ODF2L: variants seen among roughly 807,000 people sequenced by gnomAD.
ODF2L encodes outer dense fiber of sperm tails 2 like.
Under a neutral mutation model 86.3 loss-of-function variants are expected in ODF2L, and 76 were observed. The observed-to-expected ratio is 0.88, with a 90% CI of 0.73 to 1.07. The LOEUF is 1.07. Among genes scored for constraint, ODF2L ranks in the 50% least tolerant of loss-of-function variants. The probability of loss-of-function intolerance (pLI) is 0.00; values close to 1 mark genes in which losing one functional copy is unlikely to be tolerated. For synonymous variants in ODF2L, 241 were observed against 231.3 expected, an observed-to-expected ratio of 1.04 and a Z score of -0.38; for missense variants, 748 against 717.4, an observed-to-expected ratio of 1.04 and a Z score of -0.49.
chr1:86,357,878 G>C (rs1570358568), intron 13 of ODF2L: 1 of 985,166 alleles, frequency 1.0e-6, no homozygotes, highest in Non-Finnish European at 1.2e-6. Flanking sequence ...TATTTACAGT[G>C]CTGCCTAGCA....
chr1:86,390,767 T>A (rs1661269186), intron 1 of ODF2L, among the ~76,000 whole-genome samples: 1 of 152,132 alleles, frequency 6.6e-6, no homozygotes, highest in Admixed American at 6.5e-5. Context: ...CTCTGAGAAC[T>A]GAAACAAAAC....
intron 14 of ODF2L, chr1:86,355,318 GAAC>G: frequency 6.9e-7 from 1 of 1,456,366 alleles, no homozygotes; most frequent in East Asian, 2.5e-5. Context: ...GAAGCAAAGT[GAAC>G]AAATCAACCA....
At chr1:86,374,246 T>C (rs1043323127) in intron 8 of ODF2L, among the ~76,000 whole-genome samples, 1 of 152,326 alleles carries the variant, frequency 6.6e-6, no homozygotes, top group African/African-American at 2.4e-5. Context: ...ATTGTTTTCA[T>C]ATTTTGTATA....
Position 86,354,758 on chromosome 1 carries a change from GT to G in ODF2L, c.1604+15del, listed in dbSNP as rs1253800471. On this transcript the variant is annotated intron_variant, in intron 15 of 17. Coordinates refer to ENST00000317336, the Ensembl canonical transcript of ODF2L. ...GAGAAATATGCAGCAGCAATGTTAAGTAATTTAATACTTACTGTTGAAGGTT... is the reference window on the plus strand; with the variant it reads ...GAGAAATATGCAGCAGCAATGTTAAGAATTTAATACTTACTGTTGAAGGTT... 2 of 1,555,284 alleles carry G rather than the reference GT, an allele frequency of 1.3e-6. No individual in the cohort carries two copies. The highest frequency in any genetic ancestry group is 1.8e-6 in the Non-Finnish European group (2 of 1,129,034).
At chr1:86,348,022 A>C (rs892109782), downstream of ODF2L, 25 of 152,140 alleles carry the variant, frequency 1.6e-4, no homozygotes, top group African/African-American at 6.0e-4. Context: ...TTAATCTTTT[A>C]TTTAACTAAG....
At chr1:86,385,192 G>T (rs1277436349) in intron 3 of ODF2L, among the ~76,000 whole-genome samples, 2 of 149,042 alleles carry the variant, frequency 1.3e-5, no homozygotes, top group Admixed American at 1.3e-4. Context: ...CTTAAGAAAA[G>T]CTGATTTTCT....
intron 16 of ODF2L, among the ~76,000 whole-genome samples, chr1:86,353,581 G>GT (rs1479099196): frequency 6.6e-6 from 1 of 152,128 alleles, no homozygotes; most frequent in Non-Finnish European, 1.5e-5. Context: ...AAGCCTATTT[G>GT]TAAGAATGCT....
chr1:86,368,275 A>C (rs1045122703), intron 11 of ODF2L, among the ~76,000 whole-genome samples: 5 of 152,132 alleles, frequency 3.3e-5, no homozygotes, highest in African/African-American at 1.2e-4. Flanking sequence ...TATTTTTTTG[A>C]AAGTATAAAG....
intron 14 of ODF2L, chr1:86,356,032 GA>G: frequency 4.3e-6 from 1 of 230,968 alleles, no homozygotes; most frequent in Non-Finnish European, 8.8e-6. Context: ...AGTAAAACAG[GA>G]AAAAGAAACA....
exon 15 of ODF2L, chr1:86,354,826 A>G (rs1249646941): frequency 1.2e-6 from 2 of 1,607,136 alleles, no homozygotes; most frequent in African/African-American, 1.3e-5. Context: ...TCTTCCAGAG[A>G]AAGCTTTGTC....
intron 5 of ODF2L, 27 bp from the exon 6 acceptor site, chr1:86,383,029 G>C (rs767485223): frequency 1.5e-6 from 2 of 1,362,602 alleles, no homozygotes; most frequent in Non-Finnish European, 2.1e-6. Context: ...ATAAGAATTA[G>C]GAATTTCACA....
chr1:86,355,606 T>C (rs1179455194), intron 14 of ODF2L, among the ~76,000 whole-genome samples: 2 of 152,144 alleles, frequency 1.3e-5, no homozygotes, highest in Non-Finnish European at 1.5e-5. Flanking sequence ...TGGGGGTTTG[T>C]TGTACAGATT....
At chr1:86,365,213 G>C (rs1659317442) in intron 11 of ODF2L, among the ~76,000 whole-genome samples, 1 of 152,118 alleles carries the variant, frequency 6.6e-6, no homozygotes, top group Non-Finnish European at 1.5e-5. Flanking sequence ...CTTTACGATA[G>C]TATTGACATG....
In ODF2L at chr1:86,352,076, T is replaced by G. The variant is rs1658175762; in HGVS notation, c.*115A>C. Reference sequence around the variant, plus strand: ...GATCGACGTTTTGTTCTGACTAAGTTGTCATGAAACTTTTGATGGCAATAA... The same window carrying G: ...GATCGACGTTTTGTTCTGACTAAGTGGTCATGAAACTTTTGATGGCAATAA... On this transcript the variant is annotated 3_prime_UTR_variant, in exon 18 of 18. Transcript: ENST00000317336. 24 of 1,377,564 alleles carry G rather than the reference T, an allele frequency of 1.7e-5. No individual in the cohort carries two copies. In the South Asian group the frequency reaches 4.7e-4, roughly 27 times the overall value. The allele number at this position is 1,377,564 out of a possible 1,614,324, so 85.3% of individuals were successfully genotyped here. A position where few individuals can be genotyped will look rare whatever the true frequency, so the allele number is the denominator to read the frequency against.
intron 11 of ODF2L, among the ~76,000 whole-genome samples, chr1:86,365,145 G>T (rs1659312359): frequency 1.3e-5 from 2 of 151,972 alleles, no homozygotes; most frequent in African/African-American, 2.4e-5. Flanking sequence ...TATGATCCTG[G>T]CCAAGTTATT....
chr1:86,358,300 C>T (rs1186412329), intron 13 of ODF2L: 1 of 152,432 alleles, frequency 6.6e-6, no homozygotes, highest in African/African-American at 2.4e-5. Flanking sequence ...AACATCATAA[C>T]TCGCCAACAC....
At chr1:86,371,187 C>G (rs768752421) in intron 9 of ODF2L, 34 bp from the exon 10 acceptor site, 34 of 1,234,258 alleles carry the variant, frequency 2.8e-5, no homozygotes, top group Non-Finnish European at 3.1e-5. Flanking sequence ...TTATAAAAGT[C>G]ATAAAAATTT....
downstream of ODF2L, chr1:86,349,060 C>T (rs272492): frequency 0.3 from 131,729 of 436,476 alleles, 20,540 homozygotes; most frequent in African/African-American, 0.4. Flanking sequence ...AATTAAAGCA[C>T]ACACATGGTT....
chr1:86,385,365 T>G, intron 3 of ODF2L, 93 bp downstream of exon 3: 4 of 697,604 alleles, frequency 5.7e-6, no homozygotes, highest in South Asian at 2.3e-5. Context: ...TACTCATAAG[T>G]GAGCATACCT....
Sources: gnomAD v4.1 joint callset for allele counts (sites outside exome capture counted in the v4.1 genomes callset) on GRCh38, gnomAD v4.1.1 for gene constraint, MANE v1.5 for transcripts, NCBI Gene and HGNC (gene_info 2026-07-23, HGNC 2026-07-21) for gene names.